PRICKLE2: variants seen among roughly 807,000 people sequenced by gnomAD.
PRICKLE2 encodes the protein prickle planar cell polarity protein 2.
Under a neutral mutation model 81.4 loss-of-function variants are expected in PRICKLE2, and 21 were observed. The ratio of observed to expected loss-of-function variants is 0.26; its 90% CI spans 0.18 to 0.37. The LOEUF (loss-of-function observed/expected upper bound fraction) is 0.37, where lower values mean the gene tolerates loss of function less well. Among genes scored for constraint, PRICKLE2 ranks in the 10% least tolerant of loss-of-function variants. The pLI is 1.00. For missense variants in PRICKLE2, 940 were observed against 1,109.0 expected, an observed-to-expected ratio of 0.85 and a Z score of 2.16; for synonymous variants, 456 against 421.5, an observed-to-expected ratio of 1.08 and a Z score of -1.00.
chr3:64,183,018 T>C (rs1444721617), intron 2 of PRICKLE2, among the ~76,000 whole-genome samples: 2 of 152,188 alleles, frequency 1.3e-5, no homozygotes, highest in East Asian at 1.9e-4. Context: ...AATTAAAAGA[T>C]GGATTATCAG....
chr3:64,191,981 G>A (rs1427268131), intron 2 of PRICKLE2, among the ~76,000 whole-genome samples: 5 of 152,192 alleles, frequency 3.3e-5, no homozygotes, highest in African/African-American at 1.2e-4. Context: ...AGCTGCCTCA[G>A]GTTTGCTAAA....
chr3:64,147,087 C>T lies in PRICKLE2; in HGVS notation c.1403G>A (p.Cys468Tyr), dbSNP rs143974813. ...CCTCCCCGGGTAATAGTCTTCTCGG[C>T]ATTCCTTGATGAAGCTGCCAGCATG... Reference protein sequence around the residue: ...TGHAGSFIKECREDYYPGRLR... With the variant: ...TGHAGSFIKEYREDYYPGRLR... Residue 468 changes from cysteine (C) to tyrosine (Y), a missense_variant, in exon 7 of 8, where the codon TGC (cysteine) becomes TAC (tyrosine). Cys to Tyr is a radical substitution (Grantham distance 194). Around this residue, in one of 2 missense-constraint regions of PRICKLE2, gnomAD observed 670 missense variants for 717.2 expected, o/e 0.93. Transcript: ENST00000638394. The surrounding 1 kb of genome is among the most constrained non-coding windows in gnomAD (Gnocchi z 5.0). 1 of 1,614,168 alleles carries T rather than the reference C, an allele frequency of 6.2e-7. No individual in the cohort carries two copies. The highest frequency in any genetic ancestry group is 1.3e-5 in the African/African-American group (1 of 75,038).
chr3:64,218,107 G>A (rs1477257614), intron 1 of PRICKLE2, among the ~76,000 whole-genome samples: 3 of 152,118 alleles, frequency 2.0e-5, no homozygotes, highest in African/African-American at 7.2e-5. Flanking sequence ...AATGAACTGG[G>A]ATTTAATTTA....
At chr3:64,235,147 A>T (rs973800534) in intron 2 of PRICKLE2, among the ~76,000 whole-genome samples, 8 of 152,208 alleles carry the variant, frequency 5.3e-5, no homozygotes, top group African/African-American at 1.7e-4. Context: ...TCAGATTAAA[A>T]TCTACTCTTG....
intron 7 of PRICKLE2, chr3:64,102,329 G>A (rs1379530897): frequency 6.6e-6 from 1 of 152,252 alleles, no homozygotes; most frequent in African/African-American, 2.4e-5. Flanking sequence ...AGCTTCATCT[G>A]CATGTACAGC....
chr3:64,160,363 C>T (rs1161344906), intron 3 of PRICKLE2, among the ~76,000 whole-genome samples: 2 of 152,216 alleles, frequency 1.3e-5, no homozygotes, highest in South Asian at 2.1e-4. Flanking sequence ...CTGCCTCACT[C>T]TGCTCACCAT....
At chr3:64,265,182 C>CA (rs970761808) in intron 2 of PRICKLE2, among the ~76,000 whole-genome samples, 17 of 151,780 alleles carry the variant, frequency 1.1e-4, no homozygotes, top group African/African-American at 2.9e-4. Context: ...AACAAACAAA[C>CA]AAAAAAAACT....
At chr3:64,116,980 A>C (rs144069407) in intron 7 of PRICKLE2, among the ~76,000 whole-genome samples, 1 of 152,358 alleles carries the variant, frequency 6.6e-6, no homozygotes, top group East Asian at 1.9e-4. Context: ...CCAGCAGCAC[A>C]TCAAAAAGCT....
chr3:64,124,295 T>C (rs896814245), intron 7 of PRICKLE2, among the ~76,000 whole-genome samples: 1 of 152,198 alleles, frequency 6.6e-6, no homozygotes, highest in Admixed American at 6.5e-5. Context: ...GGTTGGTTCA[T>C]GAGGTTTAAG....
chr3:64,119,501 A>G (rs1365464525), intron 7 of PRICKLE2, among the ~76,000 whole-genome samples: 5 of 152,238 alleles, frequency 3.3e-5, no homozygotes, highest in Non-Finnish European at 7.3e-5. Context: ...TCAAAAGCAC[A>G]ATGAGATACT....
chr3:64,188,329 T>C (rs1426769823), intron 2 of PRICKLE2, among the ~76,000 whole-genome samples: 1 of 152,124 alleles, frequency 6.6e-6, no homozygotes, highest in Non-Finnish European at 1.5e-5. Flanking sequence ...AGTGATGGAG[T>C]CTAGATGTGG....
At chr3:64,188,874 C>T (rs953370886) in intron 2 of PRICKLE2, among the ~76,000 whole-genome samples, 1 of 152,176 alleles carries the variant, frequency 6.6e-6, no homozygotes, top group African/African-American at 2.4e-5. Context: ...TAGATCTTTA[C>T]AGACAAAGCC....
intron 7 of PRICKLE2, among the ~76,000 whole-genome samples, chr3:64,129,920 T>A (rs1211074150): frequency 6.6e-6 from 1 of 152,190 alleles, no homozygotes; most frequent in Admixed American, 6.5e-5. Flanking sequence ...GGGGAACCCC[T>A]TCCCATCAGA....
chr3:64,156,195 T>G (rs1165402579), intron 5 of PRICKLE2, among the ~76,000 whole-genome samples: 1 of 152,222 alleles, frequency 6.6e-6, no homozygotes, highest in African/African-American at 2.4e-5. Flanking sequence ...TCCAGCTATC[T>G]TTCTAGAAGG....
chr3:64,234,911 A>G (rs2079158415), intron 2 of PRICKLE2, among the ~76,000 whole-genome samples: 1 of 152,144 alleles, frequency 6.6e-6, no homozygotes, highest in Non-Finnish European at 1.5e-5. Flanking sequence ...GTAGACTAAT[A>G]CTTTTCATAA....
At chr3:64,121,718 C>T (rs1186007595) in intron 7 of PRICKLE2, among the ~76,000 whole-genome samples, 1 of 152,162 alleles carries the variant, frequency 6.6e-6, no homozygotes, top group Non-Finnish European at 1.5e-5. Flanking sequence ...CTTGCCGCCC[C>T]CTAGTCCCAT....
upstream of PRICKLE2, among the ~76,000 whole-genome samples, chr3:64,227,713 G>A (rs1438743017): frequency 1.3e-5 from 2 of 152,114 alleles, no homozygotes; most frequent in South Asian, 2.1e-4. Context: ...TACCTGCATG[G>A]GGCCATTGGG....
chr3:64,211,826 CA>C (rs1406021994), intron 1 of PRICKLE2, among the ~76,000 whole-genome samples: 3 of 151,912 alleles, frequency 2.0e-5, no homozygotes, highest in Non-Finnish European at 4.4e-5. Context: ...AAGCTGGACC[CA>C]AAGGTTACTG....
At chr3:64,102,994 G>A (rs772799790) in intron 7 of PRICKLE2, 2 of 152,156 alleles carry the variant, frequency 1.3e-5, no homozygotes, top group African/African-American at 2.4e-5. Flanking sequence ...ATGTGAACAT[G>A]AAAGAACAAA....
Sources: gnomAD v4.1 joint callset for allele counts (sites outside exome capture counted in the v4.1 genomes callset) on GRCh38, gnomAD v4.1.1 for gene constraint, gnomAD v4.1.1 regional missense constraint, Gnocchi (gnomAD v3.1) non-coding constraint, MANE v1.5 for transcripts, NCBI Gene and HGNC (gene_info 2026-07-23, HGNC 2026-07-21) for gene names.